Variants in CHLSN observed in about 807,000 individuals in gnomAD.
CHLSN encodes the protein protein cholesin.
chr7:1,032,802 T>C, the CHLSN span, among the ~76,000 whole-genome samples: 1 of 151,950 alleles, frequency 6.6e-6, no homozygotes, highest in Non-Finnish European at 1.5e-5. Flanking sequence ...CTGGTCGGAG[T>C]CGCCAGAAAG....
chr7:985,236 C>T, the CHLSN span: 1 of 1,553,034 alleles, frequency 6.4e-7, no homozygotes, highest in African/African-American at 1.4e-5. Context: ...TCTTCGGCCG[C>T]CGATTTGACT....
At chr7:1,016,888 ACCAGCGCACAGCAGCACACG>A in the CHLSN span, among the ~76,000 whole-genome samples, 41 of 68,280 alleles carry the variant, frequency 6.0e-4, no homozygotes, top group South Asian at 7.0e-3. Context: ...AGCAGCACAC[ACCAGCGCACAGCAGCACACG>A]CCAGCGCACA....
chr7:1,136,577 C>CATATATATAAACAT, the CHLSN span, among the ~76,000 whole-genome samples: 2 of 128,270 alleles, frequency 1.6e-5, no homozygotes, highest in African/African-American at 6.6e-5. Context: ...TAAACATAAA[C>CATATATATAAACAT]ATATATAAAC....
At chr7:1,105,047 T>C in the CHLSN span, among the ~76,000 whole-genome samples, 1 of 152,212 alleles carries the variant, frequency 6.6e-6, no homozygotes, top group Non-Finnish European at 1.5e-5. Context: ...AGACTACTCT[T>C]CTGCACTCTC....
chr7:1,091,893 C>T, the CHLSN span: 250 of 1,613,906 alleles, frequency 1.5e-4, no homozygotes, highest in African/African-American at 5.6e-4. Flanking sequence ...ACCAGCAGTA[C>T]GTGATCGGCC....
chr7:985,510 G>A, the CHLSN span, among the ~76,000 whole-genome samples: 48 of 152,282 alleles, frequency 3.2e-4, no homozygotes, highest in Non-Finnish European at 6.5e-4. Context: ...CCTCAAACCA[G>A]CCCCTGTGCT....
chr7:1,101,630 T>C, the CHLSN span, among the ~76,000 whole-genome samples: 2 of 152,250 alleles, frequency 1.3e-5, no homozygotes, highest in Non-Finnish European at 2.9e-5. Flanking sequence ...CCCAGGTTCC[T>C]TGCAGGGTGG....
chr7:1,016,865 CACA>C, the CHLSN span, among the ~76,000 whole-genome samples: 2 of 75,550 alleles, frequency 2.6e-5, no homozygotes, highest in Admixed American at 3.0e-4. Flanking sequence ...GCACACAGCA[CACA>C]GCAGCGCACA....
the CHLSN span, among the ~76,000 whole-genome samples, chr7:1,121,419 G>A: frequency 6.6e-6 from 1 of 152,220 alleles, no homozygotes; most frequent in Admixed American, 6.5e-5. Flanking sequence ...AATGCTTCTT[G>A]GGGCAAAATA....
chr7:1,070,335 G>C, the CHLSN span, among the ~76,000 whole-genome samples: 1 of 138,194 alleles, frequency 7.2e-6, no homozygotes, highest in African/African-American at 2.6e-5. Flanking sequence ...CTGGCCAGCC[G>C]TGCCGTCCGG....
chr7:1,093,165 C>A, the CHLSN span: 5 of 575,172 alleles, frequency 8.7e-6, no homozygotes, highest in East Asian at 2.1e-4. Flanking sequence ...GCCGCTGCAC[C>A]TGCCTGCCGC....
the CHLSN span, among the ~76,000 whole-genome samples, chr7:994,427 T>C: frequency 1.3e-5 from 2 of 151,636 alleles, no homozygotes; most frequent in East Asian, 1.9e-4. Context: ...CCCCAAAGTG[T>C]TGGGATTACA....
chr7:1,051,605 G>C, the CHLSN span, among the ~76,000 whole-genome samples: 5 of 152,354 alleles, frequency 3.3e-5, no homozygotes, highest in East Asian at 9.6e-4. Flanking sequence ...GATATCTCCC[G>C]CATGTCAGCC....
chr7:985,543 A>G, the CHLSN span, among the ~76,000 whole-genome samples: 9 of 152,084 alleles, frequency 5.9e-5, no homozygotes, highest in Non-Finnish European at 1.2e-4. Flanking sequence ...GGGGATCCCC[A>G]TCTCCCCCAC....
chr7:1,046,230 A>C, the CHLSN span, among the ~76,000 whole-genome samples: 1 of 152,180 alleles, frequency 6.6e-6, no homozygotes, highest in Non-Finnish European at 1.5e-5. Context: ...AGCCCCTAGG[A>C]TGTCACCTGG....
the CHLSN span, among the ~76,000 whole-genome samples, chr7:1,125,406 G>A: frequency 2.6e-5 from 4 of 152,170 alleles, no homozygotes; most frequent in Admixed American, 6.5e-5. Context: ...CCCCAGGCAC[G>A]AGACCTCCAG....
the CHLSN span, among the ~76,000 whole-genome samples, chr7:1,100,027 A>C: frequency 1.3e-5 from 2 of 152,206 alleles, no homozygotes; most frequent in African/African-American, 4.8e-5. Context: ...TTTAAGAGGA[A>C]CATCTGAGCC....
the CHLSN span, among the ~76,000 whole-genome samples, chr7:995,792 C>G: frequency 6.6e-6 from 1 of 152,264 alleles, no homozygotes; most frequent in Non-Finnish European, 1.5e-5. Context: ...CGCCTGCCGC[C>G]GGCAAGGCCC....
At chr7:1,084,694 G>A in the CHLSN span, among the ~76,000 whole-genome samples, 1 of 152,200 alleles carries the variant, frequency 6.6e-6, no homozygotes. Flanking sequence ...GAACCGTGTA[G>A]ACCCACGCAC....
Sources: allele counts gnomAD v4.1 joint callset (sites outside exome capture counted in the v4.1 genomes callset), GRCh38; gene constraint gnomAD v4.1.1; transcripts MANE v1.5; gene names NCBI Gene and HGNC (gene_info 2026-07-23, HGNC 2026-07-21).